OPCML: variants seen among roughly 807,000 people sequenced by gnomAD.
The protein encoded by OPCML is opioid-binding protein/cell adhesion molecule.
Under a neutral mutation model 37.8 loss-of-function variants are expected in OPCML, and 13 were observed. The observed-to-expected ratio is 0.34, with a 90% CI of 0.22 to 0.55. The LOEUF (loss-of-function observed/expected upper bound fraction) is 0.55, where lower values mean the gene tolerates loss of function less well. Ranked by LOEUF, OPCML falls within the 20% of genes least tolerant of loss-of-function variation. The pLI, the probability that OPCML is intolerant of heterozygous loss-of-function variation, is 0.91. For synonymous variants in OPCML, 176 were observed against 168.8 expected (o/e 1.04, Z -0.33); for missense variants, 341 against 435.6 (o/e 0.78, Z 1.93).
At chr11:132,581,379 G>A (rs1427753692) in intron 3 of OPCML, among the ~76,000 whole-genome samples, 1 of 152,150 alleles carries the variant, frequency 6.6e-6, no homozygotes, top group African/African-American at 2.4e-5. Flanking sequence ...ACCTAGTCAG[G>A]TTCTATAGGT....
chr11:132,580,685 A>C (rs2096460349), intron 3 of OPCML, among the ~76,000 whole-genome samples: 1 of 152,228 alleles, frequency 6.6e-6, no homozygotes, highest in Non-Finnish European at 1.5e-5. Context: ...GCCAAAGTAT[A>C]ACTGGAGACA....
At chr11:133,529,204 A>T (rs532530888) in intron 1 of OPCML, among the ~76,000 whole-genome samples, 1 of 152,360 alleles carries the variant, frequency 6.6e-6, no homozygotes, top group African/African-American at 2.4e-5. Context: ...AGGACCTGGG[A>T]TGCTAGTTCA....
At chr11:133,220,176 A>G (rs1939756811) in intron 1 of OPCML, among the ~76,000 whole-genome samples, 1 of 152,174 alleles carries the variant, frequency 6.6e-6, no homozygotes, top group Non-Finnish European at 1.5e-5. Flanking sequence ...CCTGGATTCT[A>G]CATTGGGAGC....
chr11:133,276,849 TCTTA>T (rs529429151), intron 1 of OPCML, among the ~76,000 whole-genome samples: 1 of 152,158 alleles, frequency 6.6e-6, no homozygotes, highest in Non-Finnish European at 1.5e-5. Context: ...ATTATTTTAC[TCTTA>T]CTTAAGATCT....
At chr11:132,649,253 T>A (rs1366649050) in intron 3 of OPCML, among the ~76,000 whole-genome samples, 4 of 152,162 alleles carry the variant, frequency 2.6e-5, no homozygotes, top group African/African-American at 9.7e-5. Flanking sequence ...AAAGGCCTGA[T>A]ACAAGGAGAA....
chr11:132,632,373 A>G (rs114499563), intron 3 of OPCML, among the ~76,000 whole-genome samples: 79 of 151,664 alleles, frequency 5.2e-4, no homozygotes, highest in African/African-American at 1.8e-3. Flanking sequence ...TCGTTCCTTA[A>G]CTCATTACAC....
intron 2 of OPCML, among the ~76,000 whole-genome samples, chr11:132,674,111 G>C (rs1039676226): frequency 6.6e-5 from 10 of 152,296 alleles, no homozygotes; most frequent in African/African-American, 2.4e-4. Flanking sequence ...AACCAGGCCA[G>C]GAGGTTTTTC....
At chr11:132,636,547 C>A (rs188501016) in intron 3 of OPCML, among the ~76,000 whole-genome samples, 14 of 152,324 alleles carry the variant, frequency 9.2e-5, no homozygotes, top group Admixed American at 5.2e-4. Context: ...ATAAGCCTTC[C>A]ATATAATGCC....
intron 1 of OPCML, among the ~76,000 whole-genome samples, chr11:133,045,960 C>T (rs549362777): frequency 6.6e-5 from 10 of 152,194 alleles, no homozygotes; most frequent in Admixed American, 3.3e-4. Context: ...GTAGGAGTTA[C>T]TGCTTAGCAT....
At position 132,627,889 on chromosome 11, in the gene OPCML, G is replaced by A. The variant is rs1939845378; in HGVS notation, c.379+29198C>T. On this transcript the variant is annotated intron_variant, in intron 3 of 7. Transcript: ENST00000524381. ...AGAAGAGTTTGGTAAGACTAAGGTA[G>A]TGTTTTGAAGTGGAGGTGGAGCTTG... 2.0e-5 allele frequency among the ~76,000 whole-genome samples: 3 copies of A among 152,286 alleles called. No individual in the cohort carries two copies. In the South Asian group the frequency reaches 6.2e-4, roughly 32 times the overall value.
At chr11:133,163,280 A>G (rs187980936) in intron 1 of OPCML, among the ~76,000 whole-genome samples, 25 of 152,324 alleles carry the variant, frequency 1.6e-4, no homozygotes, top group Non-Finnish European at 2.9e-4. Context: ...GGTTTATAAA[A>G]CATTCCGAGA....
At chr11:133,135,591 T>A (rs988726730) in intron 1 of OPCML, among the ~76,000 whole-genome samples, 2 of 152,228 alleles carry the variant, frequency 1.3e-5, no homozygotes, top group Non-Finnish European at 2.9e-5. Flanking sequence ...TAGATATTTA[T>A]AGTACTTTTA....
chr11:133,050,719 C>CTT lies in OPCML; in HGVS notation c.62-107710_62-107709insAA, dbSNP rs1363979259. On this transcript the variant is annotated intron_variant, in intron 1 of 7. Coordinates refer to ENST00000524381, the MANE Select transcript of OPCML (RefSeq NM_001012393.5). ...GGTCTACCAGTTTCTTCTTCTTCTT[C>CTT]CTTTTTTTTTTTTTTCAGTGCATTT... 1.8e-3 allele frequency among the ~76,000 whole-genome samples: 95 copies of CTT among 52,556 alleles called. 1 individual carries two copies. The highest frequency in any genetic ancestry group is 5.8e-3 in the African/African-American group (91 of 15,768). The allele number at this position is 52,556 out of a possible 152,430, so 34.5% of individuals were successfully genotyped here. A position where few individuals can be genotyped will look rare whatever the true frequency, so the allele number is the denominator to read the frequency against.
chr11:133,460,801 G>C (rs1038690796), intron 1 of OPCML, among the ~76,000 whole-genome samples: 7 of 151,878 alleles, frequency 4.6e-5, no homozygotes, highest in African/African-American at 1.7e-4. Flanking sequence ...AAAAATTGAA[G>C]AGGAAGGAAT....
At chr11:133,139,361 C>G (rs1383079000) in intron 1 of OPCML, among the ~76,000 whole-genome samples, 1 of 151,276 alleles carries the variant, frequency 6.6e-6, no homozygotes, top group Non-Finnish European at 1.5e-5. Flanking sequence ...GTAATCCTCA[C>G]ATTAACCTTC....
intron 1 of OPCML, among the ~76,000 whole-genome samples, chr11:133,350,612 T>C (rs1944114260): frequency 6.6e-6 from 1 of 152,226 alleles, no homozygotes; most frequent in Admixed American, 6.5e-5. Context: ...CTTTTCTCTC[T>C]GAACTATTGT....
chr11:132,984,278 A>T (rs1946644668), intron 1 of OPCML, among the ~76,000 whole-genome samples: 1 of 152,210 alleles, frequency 6.6e-6, no homozygotes, highest in Admixed American at 6.5e-5. Flanking sequence ...GAGTCCTTAT[A>T]ACTACTCGAT....
intron 1 of OPCML, among the ~76,000 whole-genome samples, chr11:133,076,198 C>T (rs904762806): frequency 1.4e-4 from 22 of 152,122 alleles, no homozygotes; most frequent in Admixed American, 1.2e-3. Context: ...ATTTTGTAGA[C>T]ACGCTTTCAA....
intron 1 of OPCML, among the ~76,000 whole-genome samples, chr11:133,347,522 T>G (rs1293416408): frequency 6.6e-6 from 1 of 152,184 alleles, no homozygotes. Flanking sequence ...GGGAAGTGTT[T>G]TTTTTCTCCT....
Sources: allele counts gnomAD v4.1 joint callset (sites outside exome capture counted in the v4.1 genomes callset), GRCh38; gene constraint gnomAD v4.1.1; transcripts MANE v1.5; gene names NCBI Gene and HGNC (gene_info 2026-07-23, HGNC 2026-07-21).